The following CCDC30 variants were observed in gnomAD, a reference collection of about 807,000 sequenced individuals.
The protein encoded by CCDC30 is coiled-coil domain containing 30.
Under a neutral mutation model 100.2 loss-of-function variants are expected in CCDC30, and 70 were observed. That is an observed-to-expected ratio of 0.70 (90% confidence interval 0.58 to 0.85). The LOEUF (loss-of-function observed/expected upper bound fraction) is 0.85, where lower values mean the gene tolerates loss of function less well. CCDC30 is among the 40% of genes least tolerant of loss of function. The pLI is 0.00. For missense variants in CCDC30, 652 were observed against 771.2 expected, an observed-to-expected ratio of 0.85 and a Z score of 1.83; for synonymous variants, 233 against 269.5, an observed-to-expected ratio of 0.86 and a Z score of 1.33.
chr1:42,635,563 A>G (rs901824786), intron 11 of CCDC30, among the ~76,000 whole-genome samples: 1 of 151,958 alleles, frequency 6.6e-6, no homozygotes, highest in African/African-American at 2.4e-5. Context: ...TAATCCCAGC[A>G]CTTTGGGAGG....
intron 1 of CCDC30, among the ~76,000 whole-genome samples, chr1:42,470,798 G>C (rs1643746478): frequency 6.6e-6 from 1 of 152,152 alleles, no homozygotes; most frequent in Non-Finnish European, 1.5e-5. Context: ...CCAGGGCCTG[G>C]GGGTGAGGGG....
At chr1:42,484,540 T>C (rs1348162380) in intron 3 of CCDC30, among the ~76,000 whole-genome samples, 2 of 152,160 alleles carry the variant, frequency 1.3e-5, no homozygotes, top group Non-Finnish European at 2.9e-5. Flanking sequence ...GAAAGCCATC[T>C]CCACAGTGAG....
intron 1 of CCDC30, among the ~76,000 whole-genome samples, chr1:42,478,266 G>T (rs1279682328): frequency 2.6e-5 from 4 of 152,174 alleles, no homozygotes; most frequent in Non-Finnish European, 1.5e-5. Context: ...CTTAGGGGTA[G>T]TTTTGCAGTA....
intron 7 of CCDC30, among the ~76,000 whole-genome samples, chr1:42,567,245 G>C (rs1458437899): frequency 6.6e-6 from 1 of 152,100 alleles, no homozygotes; most frequent in Non-Finnish European, 1.5e-5. Flanking sequence ...TATAAATAAA[G>C]TTTTATTGGC....
At chr1:42,474,262 T>C (rs1444810593) in intron 1 of CCDC30, among the ~76,000 whole-genome samples, 1 of 152,164 alleles carries the variant, frequency 6.6e-6, no homozygotes, top group African/African-American at 2.4e-5. Context: ...GCATTATCTT[T>C]CTGTTTAACT....
intron 6 of CCDC30, among the ~76,000 whole-genome samples, chr1:42,555,559 T>C (rs759846013): frequency 6.6e-6 from 1 of 152,200 alleles, no homozygotes; most frequent in South Asian, 2.1e-4. Flanking sequence ...CTGTGTCTGC[T>C]CAATGCCATA....
chr1:42,466,157 AGTC>A, intron 1 of CCDC30, among the ~76,000 whole-genome samples: 1 of 152,360 alleles, frequency 6.6e-6, no homozygotes, highest in East Asian at 1.9e-4. Context: ...TACAGTGAAA[AGTC>A]ACCTGACAGC....
chr1:42,588,539 C>G (rs902859370), intron 9 of CCDC30, among the ~76,000 whole-genome samples: 1 of 151,886 alleles, frequency 6.6e-6, no homozygotes, highest in Non-Finnish European at 1.5e-5. Flanking sequence ...GTGAAGGGAC[C>G]CTGGAGACAA....
downstream of CCDC30, among the ~76,000 whole-genome samples, chr1:42,655,972 A>C (rs1016934994): frequency 7.1e-6 from 1 of 141,092 alleles, no homozygotes; most frequent in Non-Finnish European, 1.5e-5. Flanking sequence ...TCCCATGCTT[A>C]AGTGATCCTC....
At chr1:42,543,605 C>T (rs976755609) in intron 6 of CCDC30, among the ~76,000 whole-genome samples, 1 of 152,146 alleles carries the variant, frequency 6.6e-6, no homozygotes. Flanking sequence ...CCAATGAAAT[C>T]ATCCTCCTTA....
At chr1:42,517,828 A>G (rs1442533464) in intron 6 of CCDC30, among the ~76,000 whole-genome samples, 3 of 152,166 alleles carry the variant, frequency 2.0e-5, no homozygotes, top group African/African-American at 4.8e-5. Context: ...CCCTTGGTCT[A>G]TATATTTGTC....
intron 1 of CCDC30, among the ~76,000 whole-genome samples, chr1:42,478,187 G>C (rs1042870282): frequency 2.0e-5 from 3 of 152,172 alleles, no homozygotes; most frequent in Non-Finnish European, 2.9e-5. Flanking sequence ...TCTGATTCAT[G>C]TTTTAGAAAA....
intron 1 of CCDC30, chr1:42,467,768 A>G (rs997044359): frequency 6.6e-6 from 1 of 152,232 alleles, no homozygotes; most frequent in African/African-American, 2.4e-5. Flanking sequence ...AACTGACTGA[A>G]TGGGGAAAAT....
At chr1:42,487,043 T>C (rs1225896894) in intron 3 of CCDC30, among the ~76,000 whole-genome samples, 1 of 144,462 alleles carries the variant, frequency 6.9e-6, no homozygotes, top group Non-Finnish European at 1.5e-5. Context: ...CTTGGAAGGC[T>C]GAGGCAGAAG....
At chr1:42,458,210 A>T in the CCDC30 span, among the ~76,000 whole-genome samples, 3 of 152,194 alleles carry the variant, frequency 2.0e-5, no homozygotes, top group Non-Finnish European at 4.4e-5. Flanking sequence ...AATGAGATAA[A>T]GTTTTTGTTT....
intron 8 of CCDC30, among the ~76,000 whole-genome samples, chr1:42,577,854 G>A (rs953111338): frequency 2.6e-5 from 4 of 152,050 alleles, no homozygotes; most frequent in East Asian, 1.9e-4. Context: ...GTTAGCCAGG[G>A]TGGTCTTGAT....
chr1:42,635,261 G>T (rs569669810), intron 11 of CCDC30, among the ~76,000 whole-genome samples: 1 of 152,024 alleles, frequency 6.6e-6, no homozygotes, highest in South Asian at 2.1e-4. Flanking sequence ...GGCCAGGCTG[G>T]TCTTGAACTC....
intron 1 of CCDC30, among the ~76,000 whole-genome samples, chr1:42,470,010 A>G (rs1643715978): frequency 6.6e-6 from 1 of 152,192 alleles, no homozygotes; most frequent in Admixed American, 6.6e-5. Context: ...CTCTATCGGC[A>G]CTCAGCAACC....
exon 8 of CCDC30, chr1:42,577,028 T>G (rs758715023): frequency 5.0e-6 from 8 of 1,610,352 alleles, no homozygotes; most frequent in Non-Finnish European, 6.8e-6. Context: ...AGATAAAGAT[T>G]GAACTAAAGC....
Sources: allele counts gnomAD v4.1 joint callset (sites outside exome capture counted in the v4.1 genomes callset), GRCh38; gene constraint gnomAD v4.1.1; transcripts MANE v1.5; gene names NCBI Gene and HGNC (gene_info 2026-07-23, HGNC 2026-07-21).